ZNF536: variants seen among roughly 807,000 people sequenced by gnomAD.
The protein encoded by ZNF536 is zinc finger protein 536.
A neutral mutation model predicts 84.5 loss-of-function variants in ZNF536; 13 were observed. The ratio of observed to expected loss-of-function variants is 0.15; its 90% CI spans 0.10 to 0.24. The LOEUF (loss-of-function observed/expected upper bound fraction) is 0.24, where lower values mean the gene tolerates loss of function less well. ZNF536 is among the 10% of genes least tolerant of loss of function. ZNF536 has a pLI of 1.00. For synonymous variants in ZNF536, 811 were observed against 742.5 expected (o/e 1.09, Z -1.50); for missense variants, 1,536 against 1,747.5 (o/e 0.88, Z 2.16).
chr19:30,248,396 A>ATT (rs34048586), intron 1 of ZNF536, among the ~76,000 whole-genome samples: 57 of 133,980 alleles, frequency 4.3e-4, no homozygotes, highest in South Asian at 1.7e-3. Flanking sequence ...TGCCCTGCTA[A>ATT]TTTTTTTTTT....
rs80324384 is a variant in ZNF536, at chr19:30,575,608, T to G, written c.169+26094T>G. 1.2e-4 allele frequency among the ~76,000 whole-genome samples: 19 copies of G among 152,346 alleles called. No homozygotes were observed. In the East Asian group the frequency reaches 3.7e-3, roughly 29 times the overall value. On this transcript the variant is annotated intron_variant, in intron 1 of 1. Transcript: ENST00000592773. ...CAGAAAGGAGGCAAAAACTCCTCCCTGCCTTCAGGCAGCTCACAGTCTAGA... is the reference window on the plus strand; with the variant it reads ...CAGAAAGGAGGCAAAAACTCCTCCCGGCCTTCAGGCAGCTCACAGTCTAGA...
chr19:30,619,171 C>T (rs1200651424), intron 1 of ZNF536, among the ~76,000 whole-genome samples: 1 of 152,044 alleles, frequency 6.6e-6, no homozygotes, highest in African/African-American at 2.4e-5. Context: ...TAGTTATGTG[C>T]ATGTTGAATT....
chr19:30,424,832 G>T (rs1256805015), intron 1 of ZNF536, among the ~76,000 whole-genome samples: 3 of 152,182 alleles, frequency 2.0e-5, no homozygotes, highest in Admixed American at 6.5e-5. Flanking sequence ...GGCAGGGTGA[G>T]AAATGCATGC....
chr19:30,626,460 G>C (rs2147190502), intron 1 of ZNF536, among the ~76,000 whole-genome samples: 1 of 152,168 alleles, frequency 6.6e-6, no homozygotes, highest in African/African-American at 2.4e-5. Context: ...GATACAAGCT[G>C]TTCGTTTGTG....
At chr19:30,236,016 C>G (rs953368599) in intron 1 of ZNF536, among the ~76,000 whole-genome samples, 1 of 152,214 alleles carries the variant, frequency 6.6e-6, no homozygotes, top group African/African-American at 2.4e-5. Flanking sequence ...CGTTTCCACC[C>G]GAAAGAGGGT....
At chr19:30,226,790 G>A (rs893656144), upstream of ZNF536, among the ~76,000 whole-genome samples, 7 of 152,220 alleles carry the variant, frequency 4.6e-5, no homozygotes. This position sits in a 1 kb window ranked among gnomAD's most constrained non-coding sequence, Gnocchi z 4.6. Flanking sequence ...CTGGAAGGCA[G>A]AGGAGAGGCA....
At chr19:30,628,788 T>TCCTG (rs760802230) in intron 1 of ZNF536, among the ~76,000 whole-genome samples, 65 of 152,150 alleles carry the variant, frequency 4.3e-4, no homozygotes, top group Admixed American at 1.3e-3. Flanking sequence ...AACCTCCACC[T>TCCTG]CCTGGGTCCT....
At chr19:30,647,110 C>A (rs554215969) in intron 1 of ZNF536, among the ~76,000 whole-genome samples, 4 of 152,234 alleles carry the variant, frequency 2.6e-5, no homozygotes, top group African/African-American at 9.6e-5. Flanking sequence ...CTCTTGAATT[C>A]CTTTTTGTTA....
chr19:30,517,383 G>T (rs1412479910), intron 2 of ZNF536, among the ~76,000 whole-genome samples: 1 of 152,094 alleles, frequency 6.6e-6, no homozygotes, highest in Non-Finnish European at 1.5e-5. Context: ...TCAGAGAGAT[G>T]CCTGCAGGGT....
rs759907246 is a variant in ZNF536 at position 30,620,871 on chromosome 19, C to CA, written c.169+71370dup. Among the ~76,000 whole-genome samples the CA allele has an allele frequency of 6.4e-3, 893 of 138,790 alleles. 8 individuals are homozygous for CA. Among genetic ancestry groups the CA allele is most frequent in the African/African-American group, 0.012 (468 of 37,716 alleles). The allele number at this position is 138,790 out of a possible 152,430, so 91.1% of individuals were successfully genotyped here. A position where few individuals can be genotyped will look rare whatever the true frequency, so the allele number is the denominator to read the frequency against. ...TAATAATGTGCTACCCCAATTCTGG[C>CA]AAAAAAAAAAAAATTGAAAAGTCTG... On this transcript the variant is annotated intron_variant, in intron 1 of 1. Coordinates refer to the ZNF536 transcript ENST00000592773.
intron 2 of ZNF536, among the ~76,000 whole-genome samples, chr19:30,493,039 T>C (rs1193642824): frequency 6.6e-6 from 1 of 150,552 alleles, no homozygotes; most frequent in Non-Finnish European, 1.5e-5. Context: ...AGTATTTTTT[T>C]AAAGTTCAAT....
At chr19:30,441,393 G>T (rs933170682) in intron 1 of ZNF536, among the ~76,000 whole-genome samples, 1 of 152,244 alleles carries the variant, frequency 6.6e-6, no homozygotes, top group African/African-American at 2.4e-5. Context: ...GCCAGACAGG[G>T]CCCTGGGGCC....
chr19:30,259,374 G>A (rs557681367), intron 1 of ZNF536, among the ~76,000 whole-genome samples: 12 of 152,298 alleles, frequency 7.9e-5, no homozygotes, highest in African/African-American at 2.4e-4. Flanking sequence ...ATGCAGCAGC[G>A]GGTCCTGAGA....
At chr19:30,289,093 C>T (rs1032078211) in intron 2 of ZNF536, among the ~76,000 whole-genome samples, 1 of 152,018 alleles carries the variant, frequency 6.6e-6, no homozygotes, top group African/African-American at 2.4e-5. Flanking sequence ...TCACTGGGGG[C>T]TTGGGATTTG....
intron 1 of ZNF536, among the ~76,000 whole-genome samples, chr19:30,590,404 A>AGTGGGTGACATGCACAT (rs1170631450): frequency 6.6e-6 from 1 of 152,110 alleles, no homozygotes; most frequent in African/African-American, 2.4e-5. Flanking sequence ...GGCAAAGGAG[A>AGTGGGTGACATGCACAT]GTGGGTGACA....
intron 2 of ZNF536, among the ~76,000 whole-genome samples, chr19:30,316,065 C>T (rs924487566): frequency 9.9e-5 from 15 of 152,284 alleles, no homozygotes; most frequent in South Asian, 2.1e-4. Flanking sequence ...TTCGACATTA[C>T]GCTTAAAATG....
At position 30,557,279 on chromosome 19, in the gene ZNF536, T is replaced by G. The variant is rs954127744; in HGVS notation, c.*115T>G. On this transcript the variant is annotated 3_prime_UTR_variant, in exon 5 of 5. Transcript: ENST00000355537. ...CAAGAGAAGAATGTATACACATATG[T>G]GTGTTGAATAATTACTATTGGCATA... The G allele has an allele frequency of 1.7e-6, 2 of 1,191,930 alleles. No homozygotes were observed. The highest frequency in any genetic ancestry group is 2.5e-6 in the Non-Finnish European group (2 of 806,394). 73.8% of individuals were successfully genotyped at this position (1,191,930 alleles called of 1,614,324 possible). A position where few individuals can be genotyped will look rare whatever the true frequency, so the allele number is the denominator to read the frequency against.
In ZNF536 at chr19:30,548,858, C is replaced by A. The variant is rs1265477897; in HGVS notation, c.3239C>A (p.Ala1080Asp). The stretch of plus-strand genomic sequence containing the variant: ...CTAGACTCTGCTTCTGAGAAGATGG[C>A]CCAAGGTCAGCTCAAGGAGACTCTG... Reference protein sequence around the residue: ...SSLDSASEKMAQGQLKETLGE... With the variant: ...SSLDSASEKMDQGQLKETLGE... The change falls in exon 4 of 5, where the codon GCC (alanine) becomes GAC (aspartate). Residue 1080 changes from alanine to aspartate, a missense_variant. Physicochemically the swap from Ala to Asp is moderately radical, Grantham distance 126. Transcript: ENST00000355537. The A allele has an allele frequency of 6.2e-7, 1 of 1,614,044 alleles. No individual in the cohort carries two copies. Among genetic ancestry groups the A allele is most frequent in the Admixed American group, 1.7e-5 (1 of 60,010 alleles).
chr19:30,407,958 A>ACGGCCAT (rs769914404), intron 1 of ZNF536, among the ~76,000 whole-genome samples: 50 of 152,098 alleles, frequency 3.3e-4, no homozygotes, highest in Non-Finnish European at 6.6e-4. Flanking sequence ...TCCTTTGTTG[A>ACGGCCAT]GAGGAAAGTG....
Sources: gnomAD v4.1 joint callset for allele counts (sites outside exome capture counted in the v4.1 genomes callset) on GRCh38, gnomAD v4.1.1 for gene constraint, Gnocchi (gnomAD v3.1) non-coding constraint, MANE v1.5 for transcripts, NCBI Gene and HGNC (gene_info 2026-07-23, HGNC 2026-07-21) for gene names.